Variants in IRX6 observed in about 807,000 individuals in gnomAD.
The protein encoded by IRX6 is iroquois-class homeodomain protein IRX-6.
In IRX6, 46 loss-of-function variants were observed where a neutral mutation model predicts 47.7. The observed-to-expected ratio is 0.96, with a 90% CI of 0.76 to 1.23. IRX6 has a LOEUF of 1.23. IRX6 is among the 50% of genes most tolerant of loss of function. The pLI is 0.00. For missense variants in IRX6, 722 were observed against 588.0 expected (o/e 1.23, Z -2.36); for synonymous variants, 265 against 246.2 (o/e 1.08, Z -0.72).
chr16:55,327,914 C>A lies in IRX6; in HGVS notation c.721+21C>A, dbSNP rs369344208. Reference sequence around the variant, plus strand: ...CAAAGGTACTGAAAACGTTCACCACCCCACCTTAAGGGTTTTACAAGTCAT... The same window carrying A: ...CAAAGGTACTGAAAACGTTCACCACACCACCTTAAGGGTTTTACAAGTCAT... On this transcript the variant is annotated intron_variant, in intron 4 of 5. Coordinates refer to ENST00000290552, the MANE Select transcript of IRX6 (RefSeq NM_024335.3). 150 of 1,569,778 alleles carry A rather than the reference C, an allele frequency of 9.6e-5. 1 individual carries two copies. The highest frequency in any genetic ancestry group is 8.6e-6 in the Non-Finnish European group (10 of 1,159,326).
chr16:55,327,439 T>G (rs1960551614), intron 3 of IRX6, 34 bp downstream of exon 3: 1 of 1,583,156 alleles, frequency 6.3e-7, no homozygotes, highest in Non-Finnish European at 8.7e-7. Context: ...ACTGGCACTG[T>G]GAGTCTTTCC....
chr16:55,328,679 C>A, intron 4 of IRX6, 21 bp from the exon 5 acceptor site: 1 of 1,609,468 alleles, frequency 6.2e-7, no homozygotes, highest in South Asian at 1.1e-5. Context: ...GCTTTTCTCA[C>A]TCGCTCTTGA....
At chr16:55,327,082 G>A in intron 2 of IRX6, 1 of 563,084 alleles carries the variant, frequency 1.8e-6, no homozygotes. Context: ...CTGCCAGCAT[G>A]GTCTTCTTCA....
chr16:55,326,602 A>G lies in IRX6; in HGVS notation c.303+9A>G. ...CACTGTATGGGGCACTGGTGAGTACAGGGGTGGAGTCCCAGGGGAGTGAGC... is the reference window on the plus strand; with the variant it reads ...CACTGTATGGGGCACTGGTGAGTACGGGGGTGGAGTCCCAGGGGAGTGAGC... On this transcript the variant is annotated intron_variant, in intron 2 of 5. Coordinates refer to ENST00000290552, the MANE Select transcript of IRX6 (RefSeq NM_024335.3). The G allele has an allele frequency of 1.3e-6, 2 of 1,510,990 alleles. No homozygotes were observed. The highest frequency in any genetic ancestry group is 1.7e-4 in the Middle Eastern group (1 of 5,774). The allele number at this position is 1,510,990 out of a possible 1,614,324, so 93.6% of individuals were successfully genotyped here. A position where few individuals can be genotyped will look rare whatever the true frequency, so the allele number is the denominator to read the frequency against.
In IRX6 at chr16:55,325,544, A is replaced by AAG. The variant is rs1960503176; in HGVS notation, c.45+408_45+409insAG. Among the ~76,000 whole-genome samples the AAG allele has an allele frequency of 2.3e-5, 2 of 86,548 alleles. 1 individual carries two copies. Among genetic ancestry groups the AAG allele is most frequent in the African/African-American group, 8.9e-5 (2 of 22,434 alleles). The allele number at this position is 86,548 out of a possible 152,430, so 56.8% of individuals were successfully genotyped here. On this transcript the variant is annotated intron_variant, in intron 1 of 5. Transcript: ENST00000290552. ...GAAGGAAGGAAGGAGAGAGAGAGAG[A>AAG]GAGAGAGAGAGAGAGAGAAAGAAAG... is the stretch of plus-strand genomic sequence containing the variant.
chr16:55,325,122 C>T lies in IRX6; in HGVS notation c.31C>T (p.Arg11Cys), dbSNP rs1473869622. Residue 11 changes from arginine (R) to cysteine (C), a missense_variant, in exon 1 of 6, where the codon CGC (arginine) becomes TGC (cysteine). Transcript: ENST00000290552. ...CTTCCCACACTTTGGACACCCGTAC[C>T]GCGGCGCTTCCCAGGTAAGAGGCGC... Reference protein sequence around the residue: MSFPHFGHPYRGASQFLASAS... With the variant: MSFPHFGHPYCGASQFLASAS... 1.2e-6 allele frequency: 2 copies of T among 1,613,986 alleles called. No individual in the cohort carries two copies. The highest frequency in any genetic ancestry group is 1.7e-6 in the Non-Finnish European group (2 of 1,180,010).
intron 4 of IRX6, 69 bp downstream of exon 4, chr16:55,327,962 G>C (rs1440351045): frequency 2.7e-6 from 4 of 1,488,604 alleles, no homozygotes; most frequent in Non-Finnish European, 3.6e-6. Context: ...TCTTTCAAAA[G>C]CTGCCCTGTA....
intron 2 of IRX6, 107 bp from the exon 3 acceptor site, chr16:55,327,189 C>A (rs531322684): frequency 2.6e-6 from 2 of 756,422 alleles, no homozygotes; most frequent in Non-Finnish European, 4.6e-6. Flanking sequence ...CAAGGTCACA[C>A]GGCCAGTACC....
chr16:55,326,837 G>A (rs1319333542), intron 2 of IRX6: 10 of 467,432 alleles, frequency 2.1e-5, no homozygotes, highest in Non-Finnish European at 3.3e-5. Flanking sequence ...TGAGGAAATA[G>A]AGGTGCACAG....
At position 55,327,895 on chromosome 16, in the gene IRX6, T is replaced by C; in HGVS notation, c.721+2T>C. The C allele has an allele frequency of 6.3e-7, 1 of 1,586,900 alleles. No individual in the cohort carries two copies. Among genetic ancestry groups the C allele is most frequent in the Middle Eastern group, 2.0e-4 (1 of 4,896 alleles). ...GCTGCCTAACTGCTGACACCAAAGG[T>C]ACTGAAAACGTTCACCACCCCACCT... On this transcript the variant is annotated splice_donor_variant, in intron 4 of 5. Transcript: ENST00000290552. LOFTEE classifies it high-confidence loss of function.
Position 55,328,769 on chromosome 16 carries a change from A to T in IRX6, c.791A>T (p.Glu264Val). The T allele has an allele frequency of 2.5e-6, 4 of 1,613,014 alleles. No individual in the cohort carries two copies. Among genetic ancestry groups the T allele is most frequent in the Non-Finnish European group, 3.4e-6 (4 of 1,179,928 alleles). The change falls in exon 5 of 6, where the codon GAG (glutamate) becomes GTG (valine). Residue 264 changes from glutamate (E) to valine (V), a missense_variant. Glu to Val is a moderately radical substitution (Grantham distance 121). Transcript: ENST00000290552. ...SDLEDLEEEEEEEEEAEDEEV... is the reference protein window; with the variant it reads ...SDLEDLEEEEVEEEEAEDEEV... ...CTGGAAGACCTGGAGGAAGAGGAGGAGGAGGAGGAGGAAGCTGAAGACGAG... is the reference window on the plus strand; with the variant it reads ...CTGGAAGACCTGGAGGAAGAGGAGGTGGAGGAGGAGGAAGCTGAAGACGAG...
intron 4 of IRX6, among the ~76,000 whole-genome samples, chr16:55,328,420 A>G (rs1356755148): frequency 6.6e-6 from 1 of 152,184 alleles, no homozygotes; most frequent in Admixed American, 6.5e-5. Flanking sequence ...GAGATCCAGA[A>G]CTCAGGCAGC....
At chr16:55,325,468 A>G in intron 1 of IRX6, among the ~76,000 whole-genome samples, 1 of 132,518 alleles carries the variant, frequency 7.5e-6, no homozygotes, top group African/African-American at 3.1e-5. Flanking sequence ...GAAAGAAAAG[A>G]AAGAAAGAAA....
chr16:55,330,223 C>T, intron 5 of IRX6, 75 bp from the exon 6 acceptor site: 1 of 1,378,338 alleles, frequency 7.3e-7, no homozygotes, highest in Non-Finnish European at 1.0e-6. Context: ...TCAGAAGAGA[C>T]ATGGCTGACC....
In IRX6 at chr16:55,325,040, G is replaced by C; in HGVS notation, c.-52G>C. ...ACTGCTGGGGGCGCGGAACAGCTGG[G>C]CTGAGACGGGAACTCGACAGGGAAG... On this transcript the variant is annotated 5_prime_UTR_variant, in exon 1 of 6. Coordinates refer to ENST00000290552, the MANE Select transcript of IRX6 (RefSeq NM_024335.3). 1 of 1,595,602 alleles carries C rather than the reference G, an allele frequency of 6.3e-7. No individual in the cohort carries two copies. The highest frequency in any genetic ancestry group is 1.3e-5 in the African/African-American group (1 of 74,708).
At position 55,325,530 on chromosome 16, in the gene IRX6, G is replaced by GGAAGGAAGGAAA. The variant is rs1491427085; in HGVS notation, c.45+396_45+397insAGGAAGGAAAGA. On this transcript the variant is annotated intron_variant, in intron 1 of 5. Coordinates refer to ENST00000290552, the MANE Select transcript of IRX6 (RefSeq NM_024335.3). ...AGGAAGGAAGGAAGGAAGGAAGGAA[G>GGAAGGAAGGAAA]GAGAGAGAGAGAGAGAGAGAGAGAG... Among the ~76,000 whole-genome samples, 35 of 9,084 alleles carry GGAAGGAAGGAAA rather than the reference G, an allele frequency of 3.9e-3. 8 individuals carry two copies. The highest frequency in any genetic ancestry group is 0.05 in the Middle Eastern group (2 of 40). 6.0% of individuals were successfully genotyped at this position (9,084 alleles called of 152,430 possible).
In IRX6 at chr16:55,326,419, A is replaced by C. The variant is rs1426318111; in HGVS notation, c.129A>C (p.Pro43=). 1 of 1,614,000 alleles carries C rather than the reference A, an allele frequency of 6.2e-7. No homozygotes were observed. Among genetic ancestry groups the C allele is most frequent in the Admixed American group, 1.7e-5 (1 of 60,020 alleles). ...CAGATGTGGCATCAGGCTCCACCCC[A>C]GCGCCCGCTCTCTGCTGCGCACCCT... ...SVSDVASGST[P]APALCCAPYD... The change falls in exon 2 of 6, where the codon CCA becomes CCC. Residue 43 remains proline (P), a synonymous_variant. Coordinates refer to ENST00000290552, the MANE Select transcript of IRX6 (RefSeq NM_024335.3).
chr16:55,329,298 G>C lies in IRX6; in HGVS notation c.1320G>C (p.Pro440=), dbSNP rs750264638. ...RSEPVVQCQY[P]SGAEAG is the part of the protein sequence containing the mutation. ...AGCCTGTAGTGCAGTGCCAGTACCC[G>C]TCTGGAGCAGAAGGTAGTGGGCCCC... Residue 440 remains proline (P), a synonymous_variant, in exon 5 of 6, where the codon CCG becomes CCC. Coordinates refer to ENST00000290552, the MANE Select transcript of IRX6 (RefSeq NM_024335.3). 2 of 1,600,838 alleles carry C rather than the reference G, an allele frequency of 1.2e-6. No homozygotes were observed. The highest frequency in any genetic ancestry group is 1.7e-6 in the Non-Finnish European group (2 of 1,172,098).
chr16:55,329,113 C>G lies in IRX6; in HGVS notation c.1135C>G (p.Arg379Gly), dbSNP rs938338098. 10 of 1,613,978 alleles carry G rather than the reference C, an allele frequency of 6.2e-6. No homozygotes were observed. Among genetic ancestry groups the G allele is most frequent in the African/African-American group, 2.7e-5 (2 of 74,924 alleles). Reference protein sequence around the residue: ...ARPRPRSPECRMIPGQPPASA... With the variant: ...ARPRPRSPECGMIPGQPPASA... ...GCCTAGGCCACGAAGTCCTGAGTGC[C>G]GTATGATTCCTGGACAGCCTCCTGC... The change falls in exon 5 of 6, where the codon CGT (arginine) becomes GGT (glycine). Residue 379 changes from arginine to glycine, a missense_variant. By Grantham distance (125) the Arg-to-Gly change is moderately radical (BLOSUM62 -2). Coordinates refer to ENST00000290552, the MANE Select transcript of IRX6 (RefSeq NM_024335.3).
Sources: allele counts gnomAD v4.1 joint callset (sites outside exome capture counted in the v4.1 genomes callset), GRCh38; gene constraint gnomAD v4.1.1; transcripts MANE v1.5; gene names NCBI Gene and HGNC (gene_info 2026-07-23, HGNC 2026-07-21).